Variants in RGS12 observed in about 807,000 individuals in gnomAD.
The protein encoded by RGS12 is regulator of G-protein signaling 12.
In RGS12, 66 loss-of-function variants were observed where a neutral mutation model predicts 120.1. The ratio of observed to expected loss-of-function variants is 0.55; its 90% confidence interval spans 0.45 to 0.67. RGS12 has a LOEUF of 0.67. Ranked by LOEUF, RGS12 falls within the 30% of genes least tolerant of loss-of-function variation. The pLI is 0.00. For missense variants in RGS12, 1,859 were observed against 1,957.7 expected, an observed-to-expected ratio of 0.95 and a Z score of 0.95; for synonymous variants, 827 against 804.7, an observed-to-expected ratio of 1.03 and a Z score of -0.47.
intron 4 of RGS12, among the ~76,000 whole-genome samples, chr4:3,391,957 T>C (rs1037575136): frequency 3.9e-5 from 6 of 152,208 alleles, no homozygotes; most frequent in African/African-American, 1.2e-4. Context: ...TAATTAATAT[T>C]TTAAATTTCT....
At chr4:3,423,785 AGCCTCTGCC>A (rs1723299336) in intron 13 of RGS12, 144 bp downstream of exon 13, 23 of 982,558 alleles carry the variant, frequency 2.3e-5, no homozygotes, top group Non-Finnish European at 3.2e-5. Context: ...GAGAGGAGAC[AGCCTCTGCC>A]ATCCCCAGTT....
chr4:3,346,178 A>G (rs1049193435), intron 3 of RGS12, among the ~76,000 whole-genome samples: 1 of 152,188 alleles, frequency 6.6e-6, no homozygotes, highest in African/African-American at 2.4e-5. Flanking sequence ...TTTATCATCT[A>G]GTGTCCCATG....
chr4:3,320,405 G>C (rs536227590), intron 2 of RGS12, among the ~76,000 whole-genome samples: 21 of 152,164 alleles, frequency 1.4e-4, no homozygotes, highest in Non-Finnish European at 2.5e-4. Flanking sequence ...CCTCAGGGTT[G>C]GAAATAACGG....
Position 3,374,840 on chromosome 4 carries a change from T to C in RGS12, c.1999-11576T>C, listed in dbSNP as rs751327582. Among the ~76,000 whole-genome samples, 7 of 152,160 alleles carry C rather than the reference T, an allele frequency of 4.6e-5. No individual in the cohort carries two copies. Among genetic ancestry groups the C allele is most frequent in the Non-Finnish European group, 7.3e-5 (5 of 68,032 alleles). ...GCAGCGCCATCCTAGCCGCCCCTGC[T>C]CTTTGCCCCATGGCTTTCTGCCTTG... is the stretch of plus-strand genomic sequence containing the variant. On this transcript the variant is annotated intron_variant, in intron 3 of 17. Coordinates refer to ENST00000336727, the MANE Select transcript of RGS12 (RefSeq NM_001394154.1). This position sits in a 1 kb window ranked among gnomAD's most constrained non-coding sequence, Gnocchi z 6.3.
At chr4:3,412,630 A>G (rs535718493) in intron 4 of RGS12, among the ~76,000 whole-genome samples, 1 of 152,356 alleles carries the variant, frequency 6.6e-6, no homozygotes, top group African/African-American at 2.4e-5. Context: ...GGAGGGGAAC[A>G]TAGCGTATTT....
At chr4:3,387,297 C>A (rs561884235) in intron 4 of RGS12, among the ~76,000 whole-genome samples, 1 of 152,322 alleles carries the variant, frequency 6.6e-6, no homozygotes, top group Admixed American at 6.5e-5. Context: ...TAAAGAGAAA[C>A]CAAATGTCGT....
At position 3,361,629 on chromosome 4, in the gene RGS12, G is replaced by A. The variant is rs193122948; in HGVS notation, c.1998+18576G>A. On this transcript the variant is annotated intron_variant, in intron 3 of 17. Coordinates refer to ENST00000336727, the MANE Select transcript of RGS12 (RefSeq NM_001394154.1). ...CGCCAGGTAGCAGGAGCGAGGGAAG[G>A]CCCTCAGTGGGGAGCACCTGGAGGA... Among the ~76,000 whole-genome samples the A allele has an allele frequency of 3.9e-5, 6 of 152,278 alleles. No individual in the cohort carries two copies. In the East Asian group the frequency reaches 7.7e-4, roughly 20 times the overall value.
intron 4 of RGS12, among the ~76,000 whole-genome samples, chr4:3,400,874 G>C (rs1271437717): frequency 6.6e-6 from 1 of 150,392 alleles, no homozygotes; most frequent in Non-Finnish European, 1.5e-5. Flanking sequence ...ATATATATTA[G>C]AAAAATTCCT....
chr4:3,430,989 C>A, intron 17 of RGS12, 34 bp downstream of exon 17: 1 of 1,605,116 alleles, frequency 6.2e-7, no homozygotes, highest in Non-Finnish European at 8.5e-7. Flanking sequence ...CACCTTGGCC[C>A]CGTAAGCGTG....
At chr4:3,290,314 T>A (rs1291942557), upstream of RGS12, among the ~76,000 whole-genome samples, 1 of 152,170 alleles carries the variant, frequency 6.6e-6, no homozygotes, top group Non-Finnish European at 1.5e-5. Context: ...TGAGCAAACA[T>A]CTCCACCCAT....
Position 3,366,449 on chromosome 4 carries a change from C to T in RGS12, c.1999-19967C>T, listed in dbSNP as rs1000209911. ...ATATCTGTGAGCTCTGCAGATGTCT[C>T]CCGGGCACAGTCAGCAGAGGCGCTC... is the stretch of plus-strand genomic sequence containing the variant. On this transcript the variant is annotated intron_variant, in intron 3 of 17. Coordinates refer to ENST00000336727, the MANE Select transcript of RGS12 (RefSeq NM_001394154.1). The surrounding 1 kb of genome is among the most constrained non-coding windows in gnomAD (Gnocchi z 4.0). Among the ~76,000 whole-genome samples the T allele has an allele frequency of 1.3e-5, 2 of 152,124 alleles. No homozygotes were observed. Among genetic ancestry groups the T allele is most frequent in the Non-Finnish European group, 2.9e-5 (2 of 68,020 alleles).
chr4:3,326,917 T>A (rs1193057815), intron 2 of RGS12, among the ~76,000 whole-genome samples: 1 of 152,190 alleles, frequency 6.6e-6, no homozygotes, highest in Non-Finnish European at 1.5e-5. Context: ...ATGTAATCCC[T>A]ACCAAAATAC....
intron 2 of RGS12, among the ~76,000 whole-genome samples, chr4:3,338,105 G>C (rs1347969049): frequency 6.6e-6 from 1 of 152,244 alleles, no homozygotes; most frequent in Non-Finnish European, 1.5e-5. Flanking sequence ...TTGTTGCTCA[G>C]GCTGGAGTGC....
At chr4:3,422,346 C>A in intron 10 of RGS12, 30 bp from the exon 11 acceptor site, 1 of 1,590,348 alleles carries the variant, frequency 6.3e-7, no homozygotes, top group East Asian at 2.3e-5. Context: ...CGCTGGTTCC[C>A]TCACGGCTGC....
At chr4:3,439,000 C>T (rs1285668194) in intron 17 of RGS12, among the ~76,000 whole-genome samples, 1 of 152,014 alleles carries the variant, frequency 6.6e-6, no homozygotes, top group Non-Finnish European at 1.5e-5. Flanking sequence ...GGGCCCGTTC[C>T]ACCAGGCCAA....
Position 3,296,759 on chromosome 4 carries a change from G to T in RGS12, c.-102+3660G>T, listed in dbSNP as rs1723404605. On this transcript the variant is annotated intron_variant, in intron 1 of 17. Transcript: ENST00000336727. ...GGTTTGTCCAGGGAAGGTCCCTGTG[G>T]TTTCACTTCCCTGCCCTTGGGGAGA... Among the ~76,000 whole-genome samples the T allele has an allele frequency of 2.6e-5, 4 of 152,340 alleles. No homozygotes were observed. In the South Asian group the frequency reaches 8.3e-4, roughly 32 times the overall value.
chr4:3,325,716 A>G (rs1381917851), intron 2 of RGS12, among the ~76,000 whole-genome samples: 1 of 152,128 alleles, frequency 6.6e-6, no homozygotes, highest in Admixed American at 6.5e-5. Flanking sequence ...CCAGTACCCA[A>G]ATCAGACAAG....
intron 1 of RGS12, among the ~76,000 whole-genome samples, chr4:3,293,566 C>G (rs1022803960): frequency 2.0e-5 from 3 of 152,180 alleles, no homozygotes; most frequent in African/African-American, 7.2e-5. Context: ...GAACTCCAGA[C>G]GCACTGCAGC....
At chr4:3,431,139 G>A in intron 17 of RGS12, 184 bp downstream of exon 17, 2 of 1,428,696 alleles carry the variant, frequency 1.4e-6, no homozygotes, top group Non-Finnish European at 9.1e-7. Flanking sequence ...GTGGCCCCAG[G>A]CCAGTGTCTG....
Sources: gnomAD v4.1 joint callset for allele counts (sites outside exome capture counted in the v4.1 genomes callset) on GRCh38, gnomAD v4.1.1 for gene constraint, Gnocchi (gnomAD v3.1) non-coding constraint, MANE v1.5 for transcripts, NCBI Gene and HGNC (gene_info 2026-07-23, HGNC 2026-07-21) for gene names.